LARGE1: variants seen among roughly 807,000 people sequenced by gnomAD.
LARGE1 encodes the protein LARGE xylosyl- and glucuronyltransferase 1.
LARGE1 carries 43 observed loss-of-function variants against 87.6 expected under a neutral mutation model. The observed-to-expected ratio is 0.49, with a 90% CI of 0.38 to 0.63. LARGE1 has a LOEUF of 0.63. Among genes scored for constraint, LARGE1 ranks in the 30% least tolerant of loss-of-function variants. The pLI is 0.00. For missense variants in LARGE1, 802 were observed against 1,000.2 expected, an observed-to-expected ratio of 0.80 and a Z score of 2.67; for synonymous variants, 434 against 394.6, an observed-to-expected ratio of 1.10 and a Z score of -1.18.
rs78568175 is a variant in LARGE1 at position 33,241,085 on chromosome 22, C to G, written c.1730+63144G>C. Among the ~76,000 whole-genome samples the G allele has an allele frequency of 9.5e-4, 144 of 152,300 alleles. 1 individual carries two copies. Among genetic ancestry groups the G allele is most frequent in the Middle Eastern group, 3.4e-3 (1 of 294 alleles). The stretch of plus-strand genomic sequence containing the variant: ...CATTTCCGGCTTCCATGAGATGTCT[C>G]AGAGGGCATGCTGCCCGGTGTAGCT... On this transcript the variant is annotated intron_variant, in intron 11 of 11. Transcript: ENST00000608642.
chr22:33,412,541 C>T (rs2066341658), intron 7 of LARGE1, among the ~76,000 whole-genome samples: 1 of 152,120 alleles, frequency 6.6e-6, no homozygotes, highest in African/African-American at 2.4e-5. Flanking sequence ...ACCTTAGAAG[C>T]ACAGAGAGTA....
chr22:33,773,280 T>C (rs1180607587), intron 1 of LARGE1, among the ~76,000 whole-genome samples: 5 of 152,362 alleles, frequency 3.3e-5, no homozygotes, highest in Non-Finnish European at 4.4e-5. Flanking sequence ...AGATTCATCA[T>C]GTGAACTCTA....
chr22:33,309,054 G>A (rs1451597300), intron 11 of LARGE1, among the ~76,000 whole-genome samples: 6 of 152,268 alleles, frequency 3.9e-5, no homozygotes, highest in African/African-American at 1.2e-4. Context: ...GGGCCTAGGC[G>A]CCTGCATTTC....
intron 3 of LARGE1, 103 bp downstream of exon 3, chr22:33,650,264 G>A (rs2080751885): frequency 2.1e-6 from 3 of 1,410,684 alleles, no homozygotes; most frequent in Middle Eastern, 4.8e-4. Flanking sequence ...AATCAAGAAT[G>A]CCAGCTCTTG....
At chr22:33,219,363 T>C (rs1200234112) in intron 11 of LARGE1, among the ~76,000 whole-genome samples, 1 of 152,238 alleles carries the variant, frequency 6.6e-6, no homozygotes, top group Non-Finnish European at 1.5e-5. Flanking sequence ...CTGTAAAACA[T>C]GTAGACATGG....
At chr22:33,221,806 C>G (rs1925469729) in intron 11 of LARGE1, 5 of 152,256 alleles carry the variant, frequency 3.3e-5, no homozygotes, top group Non-Finnish European at 7.3e-5. Context: ...GAAACCTCCA[C>G]TCACCAAATA....
chr22:33,918,207 G>A (rs1447280254), intron 1 of LARGE1, among the ~76,000 whole-genome samples: 2 of 152,108 alleles, frequency 1.3e-5, no homozygotes, highest in Admixed American at 6.6e-5. Context: ...AAAGCCAAAG[G>A]AATCTGCATT....
intron 10 of LARGE1, among the ~76,000 whole-genome samples, chr22:33,333,020 T>A (rs1937940801): frequency 6.7e-6 from 1 of 149,938 alleles, no homozygotes; most frequent in Non-Finnish European, 1.5e-5. Context: ...GTCCTTTTTT[T>A]TTTTTGGACG....
chr22:33,502,760 G>C (rs1316915411), intron 6 of LARGE1, among the ~76,000 whole-genome samples: 1 of 152,090 alleles, frequency 6.6e-6, no homozygotes, highest in African/African-American at 2.4e-5. Context: ...GTAGAGACAA[G>C]GTTTCACCAC....
chr22:33,299,808 G>A (rs530960527), intron 12 of LARGE1, among the ~76,000 whole-genome samples: 2 of 152,314 alleles, frequency 1.3e-5, no homozygotes, highest in South Asian at 2.1e-4. Flanking sequence ...GCCATGCCCC[G>A]CTGACTTTCG....
At chr22:33,829,200 G>A (rs1024137791) in intron 1 of LARGE1, among the ~76,000 whole-genome samples, 1 of 151,646 alleles carries the variant, frequency 6.6e-6, no homozygotes. Context: ...ATAGAGACGG[G>A]GTTTCGCCAT....
intron 1 of LARGE1, among the ~76,000 whole-genome samples, chr22:33,866,936 G>A (rs2064122278): frequency 6.6e-6 from 1 of 152,156 alleles, no homozygotes; most frequent in African/African-American, 2.4e-5. Flanking sequence ...TAAAGGGGTT[G>A]ATTATTGCTT....
chr22:33,516,315 G>A (rs902206534), intron 6 of LARGE1, among the ~76,000 whole-genome samples: 26 of 152,140 alleles, frequency 1.7e-4, no homozygotes, highest in Non-Finnish European at 3.1e-4. Flanking sequence ...AATAGTGTGA[G>A]GATGTGGGGA....
At chr22:33,639,773 AGT>A (rs2080373438) in intron 3 of LARGE1, among the ~76,000 whole-genome samples, 1 of 152,224 alleles carries the variant, frequency 6.6e-6, no homozygotes, top group Non-Finnish European at 1.5e-5. Flanking sequence ...CATGTGCATG[AGT>A]GAAGATCAAA....
chr22:33,598,834 ACATGTG>A (rs1569301898), intron 5 of LARGE1, among the ~76,000 whole-genome samples: 1 of 152,234 alleles, frequency 6.6e-6, no homozygotes, highest in Non-Finnish European at 1.5e-5. Context: ...CAATAAACAT[ACATGTG>A]CATGTGTCTT....
At chr22:33,779,721 G>GTGCA (rs1234095533) in intron 1 of LARGE1, among the ~76,000 whole-genome samples, 4 of 152,238 alleles carry the variant, frequency 2.6e-5, no homozygotes, top group African/African-American at 9.6e-5. Context: ...GGGAGGCGGA[G>GTGCA]GTTGCAGTGA....
intron 11 of LARGE1, among the ~76,000 whole-genome samples, chr22:33,259,630 T>C (rs1309323453): frequency 1.3e-5 from 2 of 152,216 alleles, no homozygotes; most frequent in East Asian, 3.9e-4. Context: ...CCAATTAGTT[T>C]ACCCACTTGG....
rs35961638 is a variant in LARGE1 at position 33,358,997 on chromosome 22, TAA to T, written c.1132-21198_1132-21197del. 1.7e-3 allele frequency among the ~76,000 whole-genome samples: 245 copies of T among 141,758 alleles called. 1 individual carries two copies. The highest frequency in any genetic ancestry group is 1.9e-3 in the South Asian group (8 of 4,322). The allele number at this position is 141,758 out of a possible 152,430, so 93.0% of individuals were successfully genotyped here. On this transcript the variant is annotated intron_variant, in intron 9 of 14. Transcript: ENST00000397394. Reference sequence around the variant, plus strand: ...TGGGCGACAGAGTGAGACTCCATCTTAAAAAAAAAAAAAAAAATTCAAATGTC... The same window carrying T: ...TGGGCGACAGAGTGAGACTCCATCTTAAAAAAAAAAAAAAATTCAAATGTC...
At chr22:33,817,698 C>T (rs899772590) in intron 1 of LARGE1, among the ~76,000 whole-genome samples, 4 of 152,188 alleles carry the variant, frequency 2.6e-5, no homozygotes, top group Non-Finnish European at 5.9e-5. Flanking sequence ...GGCTAAACAG[C>T]TGTCTAATAA....
Sources: allele counts gnomAD v4.1 joint callset (sites outside exome capture counted in the v4.1 genomes callset), GRCh38; gene constraint gnomAD v4.1.1; transcripts MANE v1.5; gene names NCBI Gene and HGNC (gene_info 2026-07-23, HGNC 2026-07-21).